Variants in RYR3 observed in about 807,000 individuals in gnomAD.
The protein encoded by RYR3 is ryanodine receptor 3.
RYR3 carries 207 observed loss-of-function variants against 584.3 expected under a neutral mutation model. That is an observed-to-expected ratio of 0.35 (90% CI 0.32 to 0.40). The LOEUF is 0.40. Ranked by LOEUF, RYR3 falls within the 10% of genes least tolerant of loss-of-function variation. The probability of loss-of-function intolerance (pLI) is 1.00; values close to 1 mark genes in which losing one functional copy is unlikely to be tolerated. For missense variants in RYR3, 5,616 were observed against 6,089.2 expected, an observed-to-expected ratio of 0.92 and a Z score of 2.59; for synonymous variants, 2,416 against 2,248.5, an observed-to-expected ratio of 1.07 and a Z score of -2.11.
intron 1 of RYR3, among the ~76,000 whole-genome samples, chr15:33,434,052 ATAGT>A (rs1388621017): frequency 1.3e-5 from 2 of 152,204 alleles, no homozygotes; most frequent in Non-Finnish European, 2.9e-5. Flanking sequence ...TCCTAGGATA[ATAGT>A]TTGCACCTTT....
intron 12 of RYR3, among the ~76,000 whole-genome samples, chr15:33,574,100 G>A (rs1264668459): frequency 2.0e-5 from 3 of 152,012 alleles, no homozygotes; most frequent in African/African-American, 7.3e-5. Context: ...GAGGCTTAGT[G>A]GCAACCCAAA....
chr15:33,494,887 A>G (rs943126093), intron 2 of RYR3, among the ~76,000 whole-genome samples: 5 of 152,208 alleles, frequency 3.3e-5, no homozygotes, highest in Non-Finnish European at 7.3e-5. Flanking sequence ...AGCTCTTAAC[A>G]CAAACAGGCA....
chr15:33,441,399 C>G (rs2046220534), intron 1 of RYR3, among the ~76,000 whole-genome samples: 1 of 152,004 alleles, frequency 6.6e-6, no homozygotes, highest in African/African-American at 2.4e-5. Flanking sequence ...AGGAATTGTT[C>G]TGAGTTCTTT....
chr15:33,398,846 C>T (rs920117934), intron 1 of RYR3, among the ~76,000 whole-genome samples: 4 of 152,152 alleles, frequency 2.6e-5, no homozygotes, highest in African/African-American at 7.2e-5. Context: ...GTTCACATGG[C>T]GAGCTGAGCA....
intron 42 of RYR3, 58 bp from the exon 43 acceptor site, chr15:33,706,861 G>A: frequency 1.3e-6 from 2 of 1,504,388 alleles, no homozygotes; most frequent in South Asian, 2.5e-5. Context: ...TTTGAGGTGT[G>A]TTTTTTAATA....
At chr15:33,450,265 C>T (rs1166979162) in intron 1 of RYR3, among the ~76,000 whole-genome samples, 2 of 152,032 alleles carry the variant, frequency 1.3e-5, no homozygotes, top group Non-Finnish European at 2.9e-5. Context: ...GATAAAAATC[C>T]TGCTAAATAA....
chr15:33,717,051 A>G (rs2067547476), intron 43 of RYR3, among the ~76,000 whole-genome samples: 1 of 152,134 alleles, frequency 6.6e-6, no homozygotes, highest in Admixed American at 6.6e-5. Context: ...TTTCATGAAA[A>G]AGCTACATAG....
intron 1 of RYR3, among the ~76,000 whole-genome samples, chr15:33,361,428 T>G (rs990747069): frequency 2.0e-5 from 3 of 152,106 alleles, no homozygotes; most frequent in African/African-American, 7.2e-5. Flanking sequence ...TTTAGCAAGG[T>G]AGAAAGTGCA....
At chr15:33,716,874 C>CAA (rs34280876) in intron 43 of RYR3, among the ~76,000 whole-genome samples, 2,386 of 150,878 alleles carry the variant, frequency 0.016, 54 homozygotes, top group African/African-American at 0.053. Flanking sequence ...CTGAATGAAA[C>CAA]AAAAAAAAAA....
intron 31 of RYR3, among the ~76,000 whole-genome samples, chr15:33,650,150 G>A (rs536975736): frequency 1.7e-4 from 26 of 152,248 alleles, no homozygotes; most frequent in African/African-American, 3.1e-4. Flanking sequence ...AGGCCAAGGC[G>A]GGCGGATGAC....
At chr15:33,328,093 T>C (rs1969949896) in intron 1 of RYR3, among the ~76,000 whole-genome samples, 1 of 152,208 alleles carries the variant, frequency 6.6e-6, no homozygotes, top group South Asian at 2.1e-4. Context: ...ATAGCCCTAA[T>C]GGCCAACACA....
intron 2 of RYR3, among the ~76,000 whole-genome samples, chr15:33,480,868 T>C (rs1363964959): frequency 6.6e-6 from 1 of 152,164 alleles, no homozygotes; most frequent in East Asian, 1.9e-4. Flanking sequence ...TCAAAAGGGG[T>C]GTTCAAATCT....
intron 43 of RYR3, among the ~76,000 whole-genome samples, chr15:33,709,960 CT>C (rs1233088695): frequency 1.3e-5 from 2 of 152,150 alleles, no homozygotes; most frequent in African/African-American, 4.8e-5. Context: ...AGAAGAGAGA[CT>C]GATGGGTTGA....
intron 5 of RYR3, among the ~76,000 whole-genome samples, chr15:33,538,046 C>T (rs1054698608): frequency 1.3e-5 from 2 of 151,820 alleles, no homozygotes; most frequent in African/African-American, 4.8e-5. Context: ...AGGGATCCTT[C>T]ATAGATACTA....
intron 2 of RYR3, among the ~76,000 whole-genome samples, chr15:33,481,039 T>TGATGAATTGATCCTTTTGTCATTATCAA (rs2049916769): frequency 6.6e-6 from 1 of 152,220 alleles, no homozygotes; most frequent in African/African-American, 2.4e-5. Flanking sequence ...TTGTTTTTCA[T>TGATGAATTGATCCTTTTGTCATTATCAA]GATGAATTGA....
chr15:33,797,147 A>C (rs946411561), intron 67 of RYR3, among the ~76,000 whole-genome samples: 3 of 152,128 alleles, frequency 2.0e-5, no homozygotes, highest in Non-Finnish European at 4.4e-5. Flanking sequence ...TAATGAGGAC[A>C]ATGTGCCTTA....
chr15:33,433,658 A>G (rs2045407780), intron 1 of RYR3, among the ~76,000 whole-genome samples: 1 of 152,246 alleles, frequency 6.6e-6, no homozygotes, highest in African/African-American at 2.4e-5. Flanking sequence ...ATTAGCCTAT[A>G]CAAATTACTT....
chr15:33,382,318 G>GTTTTTTT (rs1567133176), intron 1 of RYR3, among the ~76,000 whole-genome samples: 2 of 103,262 alleles, frequency 1.9e-5, no homozygotes, highest in African/African-American at 9.6e-5. Context: ...TTTAAAAGTG[G>GTTTTTTT]CTTTTTTTTT....
intron 10 of RYR3, among the ~76,000 whole-genome samples, chr15:33,560,661 G>T (rs375944659): frequency 5.9e-5 from 9 of 151,566 alleles, no homozygotes; most frequent in Admixed American, 3.3e-4. Context: ...GAGAATTTTC[G>T]CATCTTTTCA....
Sources: gnomAD v4.1 joint callset for allele counts (sites outside exome capture counted in the v4.1 genomes callset) on GRCh38, gnomAD v4.1.1 for gene constraint, MANE v1.5 for transcripts, NCBI Gene and HGNC (gene_info 2026-07-23, HGNC 2026-07-21) for gene names.